Variants in FHIT observed in about 807,000 individuals in gnomAD.
FHIT encodes bis(5'-adenosyl)-triphosphatase.
FHIT carries 19 observed loss-of-function variants against 17.9 expected under a neutral mutation model. The ratio of observed to expected loss-of-function variants is 1.06; its 90% CI spans 0.74 to 1.56. The LOEUF (loss-of-function observed/expected upper bound fraction) is 1.56. Among genes scored for constraint, FHIT ranks in the 40% most tolerant of loss-of-function variants. The probability of loss-of-function intolerance (pLI) is 0.00; values close to 1 mark genes in which losing one functional copy is unlikely to be tolerated. For synonymous variants in FHIT, 81 were observed against 69.7 expected, an observed-to-expected ratio of 1.16 and a Z score of -0.81; for missense variants, 248 against 189.2, an observed-to-expected ratio of 1.31 and a Z score of -1.82.
rs540866291 is a variant in FHIT, at chr3:61,002,513, C to T, written c.-111+39534G>A. On this transcript the variant is annotated intron_variant, in intron 3 of 9. Coordinates refer to ENST00000492590, the MANE Select transcript of FHIT (RefSeq NM_002012.4). ...CTGGGCTCAAGTGATCCTCCCACCT[C>T]GGCCTCCCAAAGTGCTGTGAGCCAC... 9.2e-5 allele frequency among the ~76,000 whole-genome samples: 14 copies of T among 152,224 alleles called. No individual in the cohort carries two copies. The South Asian group carries it at 2.9e-3, about 32-fold the overall frequency.
rs77774356 is a variant in FHIT, at chr3:60,492,844, A to T, written c.103+44016T>A. Among the ~76,000 whole-genome samples, 461 of 152,264 alleles carry T rather than the reference A, an allele frequency of 3.0e-3. 3 individuals are homozygous for T. Among genetic ancestry groups the T allele is most frequent in the African/African-American group, 0.011 (444 of 41,568 alleles). ...GAAAATCAGTAAAAGCCATGTGCAC[A>T]AAAGATTTAGTGCATTCATGTGTCT... On this transcript the variant is annotated intron_variant, in intron 5 of 9. Transcript: ENST00000492590.
At chr3:60,367,103 T>A (rs1443613100) in intron 5 of FHIT, among the ~76,000 whole-genome samples, 1 of 152,214 alleles carries the variant, frequency 6.6e-6, no homozygotes, top group Non-Finnish European at 1.5e-5. Flanking sequence ...ATCTATAAAA[T>A]GAGCTCAACC....
chr3:60,666,037 C>T (rs2040375033), intron 4 of FHIT, among the ~76,000 whole-genome samples: 1 of 152,128 alleles, frequency 6.6e-6, no homozygotes, highest in South Asian at 2.1e-4. Flanking sequence ...ACTTCACTCC[C>T]ATTTAAATCT....
intron 5 of FHIT, among the ~76,000 whole-genome samples, chr3:60,382,115 C>A (rs943676033): frequency 7.2e-5 from 11 of 152,130 alleles, no homozygotes; most frequent in African/African-American, 2.7e-4. Flanking sequence ...CCACCTTGAC[C>A]AGGGTTTAAA....
Position 60,690,704 on chromosome 3 carries a change from C to A in FHIT, c.-18+131215G>T, listed in dbSNP as rs574035819. 6.4e-4 allele frequency: 291 copies of A among 451,770 alleles called. 1 individual carries two copies. Among genetic ancestry groups the A allele is most frequent in the South Asian group, 2.3e-3 (131 of 56,632 alleles). 28.0% of individuals were successfully genotyped at this position (451,770 alleles called of 1,614,324 possible). ...CTATTGACAGCAATGTCGAAGAAAA[C>A]AGTGGGGTTGACCATAGCTGGTAAT... On this transcript the variant is annotated intron_variant, in intron 4 of 9. Transcript: ENST00000492590.
intron 3 of FHIT, among the ~76,000 whole-genome samples, chr3:60,858,914 A>C (rs1194647339): frequency 2.0e-5 from 3 of 152,170 alleles, no homozygotes; most frequent in Non-Finnish European, 4.4e-5. Flanking sequence ...GGATGATTTA[A>C]AAAGCACCAT....
At chr3:60,808,526 T>C (rs1038662647) in intron 4 of FHIT, among the ~76,000 whole-genome samples, 6 of 152,190 alleles carry the variant, frequency 3.9e-5, no homozygotes, top group Non-Finnish European at 8.8e-5. Flanking sequence ...GAAACAAATT[T>C]AGTTTAAAGA....
At chr3:60,141,568 A>G (rs1015295064) in intron 5 of FHIT, among the ~76,000 whole-genome samples, 4 of 152,140 alleles carry the variant, frequency 2.6e-5, no homozygotes, top group African/African-American at 9.7e-5. Context: ...AGAATTCCTA[A>G]AATCTGTCAG....
intron 5 of FHIT, among the ~76,000 whole-genome samples, chr3:60,175,098 G>A (rs923686634): frequency 6.6e-5 from 10 of 152,172 alleles, no homozygotes; most frequent in Admixed American, 2.6e-4. Context: ...CTTCTGTGAC[G>A]ATGACACTAT....
intron 3 of FHIT, among the ~76,000 whole-genome samples, chr3:60,969,759 C>CTAAATCTT (rs1438607457): frequency 1.3e-5 from 2 of 152,144 alleles, no homozygotes; most frequent in Non-Finnish European, 2.9e-5. Context: ...ATTATATTTA[C>CTAAATCTT]TAAATCTTTA....
intron 5 of FHIT, among the ~76,000 whole-genome samples, chr3:60,144,226 C>A (rs997534256): frequency 1.3e-5 from 2 of 152,182 alleles, no homozygotes; most frequent in African/African-American, 4.8e-5. Flanking sequence ...TAATGAAACT[C>A]ATGAGCAAGG....
chr3:60,493,853 A>G (rs752270045), intron 5 of FHIT, among the ~76,000 whole-genome samples: 3 of 152,186 alleles, frequency 2.0e-5, no homozygotes, highest in Non-Finnish European at 2.9e-5. Flanking sequence ...GGAGTGTTGA[A>G]TGGAACATAA....
intron 8 of FHIT, among the ~76,000 whole-genome samples, chr3:59,870,396 G>A (rs778104117): frequency 4.6e-5 from 7 of 152,064 alleles, no homozygotes; most frequent in Admixed American, 3.9e-4. Context: ...TCTCTTTTTA[G>A]CCTCCTTTTG....
chr3:60,011,465 A>G (rs375629845), intron 6 of FHIT, 65 bp from the exon 7 acceptor site: 7 of 1,289,426 alleles, frequency 5.4e-6, no homozygotes, highest in Non-Finnish European at 7.9e-6. Context: ...TTATTCAGAA[A>G]TATCACCCAT....
intron 4 of FHIT, among the ~76,000 whole-genome samples, chr3:60,603,868 G>T (rs2038523313): frequency 6.6e-6 from 1 of 152,178 alleles, no homozygotes; most frequent in East Asian, 1.9e-4. Context: ...TTAATTAGCA[G>T]TACCTAACAT....
chr3:61,198,974 A>G (rs1303273756), intron 2 of FHIT, among the ~76,000 whole-genome samples: 2 of 152,108 alleles, frequency 1.3e-5, no homozygotes, highest in Non-Finnish European at 2.9e-5. Flanking sequence ...TCTACTGAGC[A>G]CTTATCATGG....
chr3:60,108,961 C>T (rs540105492), intron 5 of FHIT, among the ~76,000 whole-genome samples: 1 of 152,290 alleles, frequency 6.6e-6, no homozygotes, highest in East Asian at 1.9e-4. Flanking sequence ...CCATGCCCAG[C>T]CATTCCTTCT....
At chr3:60,522,369 CAA>C (rs750854159) in intron 5 of FHIT, among the ~76,000 whole-genome samples, 2 of 152,166 alleles carry the variant, frequency 1.3e-5, no homozygotes, top group African/African-American at 2.4e-5. Context: ...CTCAGCCTCC[CAA>C]AGTGTTGGGA....
intron 5 of FHIT, among the ~76,000 whole-genome samples, chr3:60,405,819 G>A (rs1005021700): frequency 2.6e-5 from 4 of 152,176 alleles, no homozygotes; most frequent in African/African-American, 4.8e-5. Context: ...AGCCCCCAAC[G>A]ACATCAACTG....
Sources: gnomAD v4.1 joint callset for allele counts (sites outside exome capture counted in the v4.1 genomes callset) on GRCh38, gnomAD v4.1.1 for gene constraint, MANE v1.5 for transcripts, NCBI Gene and HGNC (gene_info 2026-07-23, HGNC 2026-07-21) for gene names.